The following POLR3A variants were observed in gnomAD, a reference collection of about 807,000 sequenced individuals.
POLR3A encodes the protein RNA polymerase III subunit A.
In POLR3A, 112 loss-of-function variants were observed where a neutral mutation model predicts 152.8. That is an observed-to-expected ratio of 0.73 (90% confidence interval 0.63 to 0.86). POLR3A has a LOEUF of 0.86. Ranked by LOEUF, POLR3A falls within the 40% of genes least tolerant of loss-of-function variation. The pLI, the probability that POLR3A is intolerant of heterozygous loss-of-function variation, is 0.00. For missense variants in POLR3A, 1,385 were observed against 1,743.1 expected, an observed-to-expected ratio of 0.79 and a Z score of 3.66; for synonymous variants, 615 against 652.1, an observed-to-expected ratio of 0.94 and a Z score of 0.87.
intron 21 of POLR3A, among the ~76,000 whole-genome samples, chr10:77,987,254 C>G (rs1056076361): frequency 1.3e-5 from 2 of 152,184 alleles, no homozygotes; most frequent in Non-Finnish European, 2.9e-5. Context: ...GCATCGGCTG[C>G]TCTGGTGTGG....
intron 8 of POLR3A, 22 bp downstream of exon 8, chr10:78,021,524 G>C: frequency 6.2e-7 from 1 of 1,613,126 alleles, no homozygotes; most frequent in Non-Finnish European, 8.5e-7. Flanking sequence ...ACAAAGAATT[G>C]AGCAGCTGAG....
At chr10:77,995,956 A>C (rs1241554331) in intron 19 of POLR3A, among the ~76,000 whole-genome samples, 1 of 152,186 alleles carries the variant, frequency 6.6e-6, no homozygotes, top group Non-Finnish European at 1.5e-5. Context: ...ATTATAACAA[A>C]CTGTCTCTCA....
chr10:77,987,216 G>A (rs1164514593), intron 21 of POLR3A, among the ~76,000 whole-genome samples: 1 of 152,140 alleles, frequency 6.6e-6, no homozygotes, highest in Non-Finnish European at 1.5e-5. Flanking sequence ...ATCCTCCAGA[G>A]GCCATTATCC....
chr10:78,008,970 C>T (rs61854192), intron 14 of POLR3A, among the ~76,000 whole-genome samples: 9 of 151,322 alleles, frequency 5.9e-5, no homozygotes, highest in South Asian at 4.2e-4. Flanking sequence ...TTGGCCAACA[C>T]GGTGAAACCC....
intron 9 of POLR3A, among the ~76,000 whole-genome samples, chr10:78,018,007 C>G (rs117661263): frequency 0.014 from 2,081 of 151,354 alleles, 21 homozygotes; most frequent in South Asian, 0.046. Flanking sequence ...GACCTTGTCT[C>G]TACAAAAAAT....
intron 4 of POLR3A, 127 bp from the exon 5 acceptor site, chr10:78,024,830 A>T: frequency 7.5e-7 from 1 of 1,325,946 alleles, no homozygotes; most frequent in Non-Finnish European, 1.1e-6. Flanking sequence ...CCGTTTCCCA[A>T]TAGGACATCA....
chr10:77,977,676 T>C (rs1429408054), intron 30 of POLR3A, 50 bp from the exon 31 acceptor site: 6 of 1,528,248 alleles, frequency 3.9e-6, no homozygotes, highest in Non-Finnish European at 5.4e-6. Context: ...ACAAGGTACA[T>C]TTTCACGAAG....
At position 78,017,722 on chromosome 10, in the gene POLR3A, T is replaced by A; in HGVS notation, c.1290-6A>T. 1 of 1,614,112 alleles carries A rather than the reference T, an allele frequency of 6.2e-7. No homozygotes were observed. ...GATTTCCGTATTTCAAAAACCTGAA[T>A]GTGCAACAATAAACATGATCTGTGA... On this transcript the variant is annotated splice_polypyrimidine_tract_variant and splice_region_variant and intron_variant, in intron 9 of 30. Transcript: ENST00000372371.
intron 3 of POLR3A, 151 bp from the exon 4 acceptor site, chr10:78,025,293 G>A (rs1025613729): frequency 2.5e-5 from 21 of 833,302 alleles, no homozygotes; most frequent in South Asian, 1.5e-5. Flanking sequence ...ATGCAGAGAG[G>A]AAGCCTGTGT....
At chr10:78,025,295 A>G (rs971659716) in intron 3 of POLR3A, among the ~76,000 whole-genome samples, 153 bp from the exon 4 acceptor site, 21 of 152,212 alleles carry the variant, frequency 1.4e-4, no homozygotes, top group African/African-American at 4.8e-4. Context: ...GCAGAGAGGA[A>G]GCCTGTGTTC....
rs771072276 is a variant in POLR3A at position 78,010,505 on chromosome 10, T to G, written c.1608A>C (p.Glu536Asp). 18 of 1,614,124 alleles carry G rather than the reference T, an allele frequency of 1.1e-5. No individual in the cohort carries two copies. Among genetic ancestry groups the G allele is most frequent in the Non-Finnish European group, 8.5e-7 (1 of 1,179,942 alleles). ...KANLVTPRNG[E>D]PLIAAIQDFL... is the part of the protein sequence containing the mutation. ...AATCCTGAATAGCAGCAATCAGCGG[T>G]TCCCCATTCCTCGGGGTTACAAGAT... is the stretch of plus-strand genomic sequence containing the variant. The change falls in exon 12 of 31, where the codon GAA becomes GAC. Residue 536 changes from glutamate (E) to aspartate (D), a missense_variant. By Grantham distance (45) the Glu-to-Asp change is conservative. Coordinates refer to ENST00000372371, the MANE Select transcript of POLR3A (RefSeq NM_007055.4).
Position 77,993,181 on chromosome 10 carries a change from T to C in POLR3A, c.2787+16A>G, listed in dbSNP as rs1847266206. The C allele has an allele frequency of 2.5e-6, 4 of 1,603,084 alleles. No individual in the cohort carries two copies. Among genetic ancestry groups the C allele is most frequent in the Non-Finnish European group, 3.4e-6 (4 of 1,169,924 alleles). ...CTTAAAAACACTCTAACCCCAGATA[T>C]AATGCTAAATCTTACTTTGATGTTG... On this transcript the variant is annotated intron_variant, in intron 20 of 30. Coordinates refer to ENST00000372371, the MANE Select transcript of POLR3A (RefSeq NM_007055.4).
At chr10:78,011,776 G>A (rs1396048367) in intron 11 of POLR3A, among the ~76,000 whole-genome samples, 2 of 152,144 alleles carry the variant, frequency 1.3e-5, no homozygotes, top group African/African-American at 2.4e-5. Context: ...TGCACTACAC[G>A]GAGAACAGCA....
chr10:78,022,077 C>T, intron 6 of POLR3A, 55 bp from the exon 7 acceptor site: 4 of 1,614,158 alleles, frequency 2.5e-6, no homozygotes, highest in Non-Finnish European at 8.5e-7. Flanking sequence ...ATTTTTCTCA[C>T]ATTTTCTTGA....
chr10:77,989,447 T>A (rs1471356074), intron 21 of POLR3A, among the ~76,000 whole-genome samples: 1 of 152,230 alleles, frequency 6.6e-6, no homozygotes, highest in Non-Finnish European at 1.5e-5. Flanking sequence ...CTCATCGGAT[T>A]GTGAGCTGCC....
At chr10:78,009,814 C>G in intron 13 of POLR3A, 50 bp downstream of exon 13, 7 of 1,611,038 alleles carry the variant, frequency 4.3e-6, no homozygotes, top group Non-Finnish European at 5.9e-6. Context: ...AGTCTACCCC[C>G]ACAGACACAT....
chr10:78,002,859 T>C (rs754035650), intron 16 of POLR3A, among the ~76,000 whole-genome samples: 2 of 152,150 alleles, frequency 1.3e-5, no homozygotes, highest in Non-Finnish European at 2.9e-5. Flanking sequence ...ATCCTTTAAA[T>C]GGCCCATAAG....
chr10:78,026,207 T>G lies in POLR3A; in HGVS notation c.67A>C (p.Lys23Gln). Residue 23 changes from lysine (K) to glutamine (Q), a missense_variant, in exon 2 of 31, where the codon AAG becomes CAG. This residue lies in a region of POLR3A where 493 missense variants were observed against 647.5 expected (regional missense o/e 0.76). Coordinates refer to ENST00000372371, the MANE Select transcript of POLR3A (RefSeq NM_007055.4). ...KKISHICFGM[K>Q]SPEEMRQQAH... Reference sequence around the variant, plus strand: ...TGCTGGCGCATCTCCTCAGGTGACTTCATTCCAAAACAGATGTGGCTTCTG... The same window carrying G: ...TGCTGGCGCATCTCCTCAGGTGACTGCATTCCAAAACAGATGTGGCTTCTG... 1 of 1,614,220 alleles carries G rather than the reference T, an allele frequency of 6.2e-7. No individual in the cohort carries two copies. Among genetic ancestry groups the G allele is most frequent in the Non-Finnish European group, 8.5e-7 (1 of 1,180,032 alleles).
chr10:78,005,764 G>T (rs1033019447), intron 15 of POLR3A, among the ~76,000 whole-genome samples: 1 of 152,214 alleles, frequency 6.6e-6, no homozygotes, highest in Non-Finnish European at 1.5e-5. Context: ...CCAGCGAAAT[G>T]GAATCAGAGA....
Sources: allele counts gnomAD v4.1 joint callset (sites outside exome capture counted in the v4.1 genomes callset), GRCh38; gene constraint gnomAD v4.1.1; regional missense constraint gnomAD v4.1.1; transcripts MANE v1.5; gene names NCBI Gene and HGNC (gene_info 2026-07-23, HGNC 2026-07-21).